Variants in GABRR1 observed in about 807,000 individuals in gnomAD.
The protein encoded by GABRR1 is gamma-aminobutyric acid receptor subunit rho-1.
Under a neutral mutation model 55.5 loss-of-function variants are expected in GABRR1, and 59 were observed. That is an observed-to-expected ratio of 1.06 (90% CI 0.86 to 1.32). The LOEUF is 1.32. GABRR1 is among the 40% of genes most tolerant of loss of function. The probability of loss-of-function intolerance (pLI) is 0.00; values close to 1 mark genes in which losing one functional copy is unlikely to be tolerated. For missense variants in GABRR1, 602 were observed against 619.1 expected, an observed-to-expected ratio of 0.97 and a Z score of 0.29; for synonymous variants, 213 against 226.0, an observed-to-expected ratio of 0.94 and a Z score of 0.51.
intron 1 of GABRR1, among the ~76,000 whole-genome samples, chr6:89,210,022 G>A (rs887201032): frequency 3.9e-5 from 6 of 151,976 alleles, no homozygotes; most frequent in Non-Finnish European, 5.9e-5. Flanking sequence ...TTCTGATGGC[G>A]AGAGGAAAGC....
At chr6:89,219,223 A>AT (rs575516462), upstream of GABRR1, among the ~76,000 whole-genome samples, 10 of 152,258 alleles carry the variant, frequency 6.6e-5, no homozygotes, top group South Asian at 2.1e-3. Flanking sequence ...CCGAGATCGC[A>AT]CCACTGCACT....
intron 7 of GABRR1, among the ~76,000 whole-genome samples, chr6:89,184,175 G>T (rs1771818406): frequency 6.6e-6 from 1 of 151,534 alleles, no homozygotes; most frequent in African/African-American, 2.4e-5. Flanking sequence ...AGGAGGCAGA[G>T]GTTGCAGTGA....
rs1382292342 is a variant in GABRR1, at chr6:89,225,318, G to C, written c.-410-3872C>G. Reference sequence around the variant, plus strand: ...TGGGGTACATGTGCACATTGTGCAGGTTAGTTACATATGTATACATGTGCC... The same window carrying C: ...TGGGGTACATGTGCACATTGTGCAGCTTAGTTACATATGTATACATGTGCC... On this transcript the variant is annotated intron_variant, in intron 1 of 11. Coordinates refer to the GABRR1 transcript ENST00000369451. Among the ~76,000 whole-genome samples the C allele has an allele frequency of 4.8e-5, 7 of 144,442 alleles. 2 individuals are homozygous for C. The East Asian group carries it at 1.0e-3, about 21-fold the overall frequency. The allele number at this position is 144,442 out of a possible 152,430, so 94.8% of individuals were successfully genotyped here.
At chr6:89,193,260 G>T (rs1772158673) in intron 5 of GABRR1, among the ~76,000 whole-genome samples, 1 of 152,232 alleles carries the variant, frequency 6.6e-6, no homozygotes, top group African/African-American at 2.4e-5. Context: ...ATCTGTTGAA[G>T]TAATCAATGA....
chr6:89,200,728 T>C (rs896690347), intron 3 of GABRR1, among the ~76,000 whole-genome samples: 1 of 152,226 alleles, frequency 6.6e-6, no homozygotes, highest in African/African-American at 2.4e-5. Flanking sequence ...TATTTTCATT[T>C]AATTAAAATG....
intron 5 of GABRR1, among the ~76,000 whole-genome samples, chr6:89,195,916 G>C (rs1772258215): frequency 6.6e-6 from 1 of 152,146 alleles, no homozygotes; most frequent in Non-Finnish European, 1.5e-5. Flanking sequence ...ATCAGGGCTT[G>C]ATTTATTGTT....
At chr6:89,217,629 G>C (rs547496120), upstream of GABRR1, 1 of 242,700 alleles carries the variant, frequency 4.1e-6, no homozygotes, top group Admixed American at 5.2e-5. Flanking sequence ...GTTGGTAAAA[G>C]TCTTATTTTC....
At chr6:89,203,041 C>T (rs1203321078) in intron 2 of GABRR1, among the ~76,000 whole-genome samples, 1 of 152,206 alleles carries the variant, frequency 6.6e-6, no homozygotes, top group Non-Finnish European at 1.5e-5. Context: ...CTAGAAAGTG[C>T]TACACAAATG....
chr6:89,214,649 A>C (rs958008772), intron 1 of GABRR1, among the ~76,000 whole-genome samples: 3 of 152,208 alleles, frequency 2.0e-5, no homozygotes, highest in African/African-American at 7.2e-5. Flanking sequence ...TATACGAAAA[A>C]ATGCTCAACA....
intron 7 of GABRR1, among the ~76,000 whole-genome samples, chr6:89,183,794 T>C (rs1023208124): frequency 2.0e-5 from 3 of 152,088 alleles, no homozygotes; most frequent in East Asian, 3.9e-4. Flanking sequence ...TTCTCACTTA[T>C]AAGTGGGAGC....
At chr6:89,221,892 G>T (rs1349547403), upstream of GABRR1, among the ~76,000 whole-genome samples, 3 of 152,184 alleles carry the variant, frequency 2.0e-5, no homozygotes, top group African/African-American at 7.2e-5. Context: ...TTAAGCTGCT[G>T]CTGTAATCGA....
intron 1 of GABRR1, among the ~76,000 whole-genome samples, chr6:89,206,208 C>T (rs1345726475): frequency 1.3e-5 from 2 of 149,946 alleles, no homozygotes; most frequent in Non-Finnish European, 3.0e-5. Flanking sequence ...CCAACCACCC[C>T]ACCAACACCA....
intron 5 of GABRR1, among the ~76,000 whole-genome samples, chr6:89,192,986 T>C (rs1213812018): frequency 1.3e-5 from 2 of 152,226 alleles, no homozygotes; most frequent in African/African-American, 4.8e-5. Flanking sequence ...TCAGTTTTTA[T>C]TGTATGCTGG....
upstream of GABRR1, among the ~76,000 whole-genome samples, chr6:89,220,196 C>A (rs1186488947): frequency 6.6e-6 from 1 of 152,166 alleles, no homozygotes; most frequent in Non-Finnish European, 1.5e-5. Context: ...TTTAGAGGAT[C>A]CTGGACTAGC....
chr6:89,213,060 T>G (rs992416345), intron 1 of GABRR1, among the ~76,000 whole-genome samples: 1 of 152,162 alleles, frequency 6.6e-6, no homozygotes, highest in Non-Finnish European at 1.5e-5. Flanking sequence ...ATGGGTCCTA[T>G]CTGGATGTGC....
At chr6:89,188,148 C>T (rs1221908113) in intron 6 of GABRR1, among the ~76,000 whole-genome samples, 1 of 152,064 alleles carries the variant, frequency 6.6e-6, no homozygotes, top group Non-Finnish European at 1.5e-5. Context: ...CTCAGCCTCC[C>T]GAGCAGCTGG....
At chr6:89,203,324 A>G (rs930682894) in intron 2 of GABRR1, 111 bp downstream of exon 2, 8 of 985,494 alleles carry the variant, frequency 8.1e-6, no homozygotes, top group Non-Finnish European at 1.1e-5. Context: ...CCCACCCTCC[A>G]CTTTCTGATC....
At chr6:89,203,089 G>A (rs1772529154) in intron 2 of GABRR1, among the ~76,000 whole-genome samples, 1 of 152,226 alleles carries the variant, frequency 6.6e-6, no homozygotes, top group Non-Finnish European at 1.5e-5. Flanking sequence ...ACCAGGAAGT[G>A]TCCTTCTAAA....
At position 89,186,172 on chromosome 6, in the gene GABRR1, C is replaced by G. The variant is rs75040293; in HGVS notation, c.656-722G>C. On this transcript the variant is annotated intron_variant, in intron 6 of 9. Transcript: ENST00000454853. ...TGTGTAAACAGTTCCTTCCAGGGGT[C>G]CCTGGGACTATTTTATTCTTGTTTT... is the stretch of plus-strand genomic sequence containing the variant. Among the ~76,000 whole-genome samples, 1,066 of 152,314 alleles carry G rather than the reference C, an allele frequency of 7.0e-3. 5 individuals carry two copies. Among genetic ancestry groups the G allele is most frequent in the Middle Eastern group, 0.017 (5 of 294 alleles).
Sources: allele counts gnomAD v4.1 joint callset (sites outside exome capture counted in the v4.1 genomes callset), GRCh38; gene constraint gnomAD v4.1.1; transcripts MANE v1.5; gene names NCBI Gene and HGNC (gene_info 2026-07-23, HGNC 2026-07-21).